The following ST18 variants were observed in gnomAD, a reference collection of about 807,000 sequenced individuals.
The protein encoded by ST18 is ST18 C2H2C-type zinc finger transcription factor.
In ST18, 50 loss-of-function variants were observed where a neutral mutation model predicts 110.0. The ratio of observed to expected loss-of-function variants is 0.45; its 90% CI spans 0.36 to 0.58. ST18 has a LOEUF of 0.58. Among genes scored for constraint, ST18 ranks in the 20% least tolerant of loss-of-function variants. The probability of loss-of-function intolerance (pLI) is 0.00; values close to 1 mark genes in which losing one functional copy is unlikely to be tolerated. For missense variants in ST18, 1,306 were observed against 1,280.1 expected, an observed-to-expected ratio of 1.02 and a Z score of -0.31; for synonymous variants, 461 against 452.4, an observed-to-expected ratio of 1.02 and a Z score of -0.24.
chr8:52,155,706 T>G (rs993335416), intron 15 of ST18, among the ~76,000 whole-genome samples: 1 of 152,136 alleles, frequency 6.6e-6, no homozygotes, highest in Non-Finnish European at 1.5e-5. Flanking sequence ...AAATCAAAGT[T>G]TTTTTGCCCC....
At chr8:52,278,935 G>A (rs1180412902) in intron 2 of ST18, among the ~76,000 whole-genome samples, 1 of 152,180 alleles carries the variant, frequency 6.6e-6, no homozygotes, top group African/African-American at 2.4e-5. Context: ...CCTGAAGGAA[G>A]AGATTTGCAA....
chr8:52,290,059 A>C (rs914488954), intron 2 of ST18, among the ~76,000 whole-genome samples: 1 of 152,120 alleles, frequency 6.6e-6, no homozygotes, highest in Non-Finnish European at 1.5e-5. Context: ...ATCGACTCTT[A>C]TGGTACACCT....
intron 9 of ST18, among the ~76,000 whole-genome samples, chr8:52,174,910 G>A (rs886733429): frequency 1.3e-5 from 2 of 152,142 alleles, no homozygotes; most frequent in Non-Finnish European, 2.9e-5. Context: ...GATCTGTGAT[G>A]GGGTGCTTGT....
At chr8:52,138,183 A>G (rs2053296044) in intron 17 of ST18, among the ~76,000 whole-genome samples, 1 of 152,142 alleles carries the variant, frequency 6.6e-6, no homozygotes, top group African/African-American at 2.4e-5. Context: ...ATGATAGCAG[A>G]TCTTAGGAAC....
chr8:52,180,146 C>T lies in ST18; in HGVS notation c.253G>A (p.Glu85Lys), dbSNP rs749501497. The change falls in exon 9 of 26, where the codon GAA becomes AAA. Residue 85 changes from glutamate to lysine, a missense_variant. Glu to Lys is a moderately conservative substitution (Grantham distance 56). Transcript: ENST00000689386. ...SDRTEDDGPL[E>K]THGHSTAEEI... ...CCTGCGGTAGAGTGACCATGTGTTT[C>T]CAAGGGGCCATCGTCCTCTGTCCTG... 5.0e-6 allele frequency: 8 copies of T among 1,614,092 alleles called. No homozygotes were observed. The highest frequency in any genetic ancestry group is 1.7e-4 in the Middle Eastern group (1 of 6,060).
rs1056478941 is a variant in ST18, at chr8:52,320,731, G to T, written c.-465+88597C>A. 2.1e-4 allele frequency among the ~76,000 whole-genome samples: 32 copies of T among 152,128 alleles called. 1 individual carries two copies. Among genetic ancestry groups the T allele is most frequent in the Admixed American group, 2.1e-3 (32 of 15,270 alleles). On this transcript the variant is annotated intron_variant, in intron 2 of 25. Transcript: ENST00000689386. ...GAGGATGCAGAACAAAGCAGCTCAG[G>T]CACTGCTGAAAATTAAGACAACATT...
intron 2 of ST18, among the ~76,000 whole-genome samples, chr8:52,294,975 A>G (rs1013730682): frequency 3.3e-4 from 50 of 152,264 alleles, no homozygotes; most frequent in African/African-American, 1.1e-3. Flanking sequence ...ATATGCTTAC[A>G]TGCTTGCCGT....
In ST18 at chr8:52,190,459, C is replaced by T. The variant is rs73681224; in HGVS notation, c.87-10147G>A. ...ACCCTACAAGACTGATCCTGGGGGC[C>T]GACAGTGGACTGCCATCACGTCAAA... On this transcript the variant is annotated intron_variant, in intron 8 of 25. Coordinates refer to ENST00000689386, the MANE Select transcript of ST18 (RefSeq NM_001352837.2). Among the ~76,000 whole-genome samples, 1,237 of 152,146 alleles carry T rather than the reference C, an allele frequency of 8.1e-3. 12 individuals are homozygous for T. The highest frequency in any genetic ancestry group is 0.027 in the African/African-American group (1,131 of 41,488).
intron 11 of ST18, 22 bp from the exon 12 acceptor site, chr8:52,165,247 A>C (rs1304500235): frequency 6.2e-7 from 1 of 1,612,334 alleles, no homozygotes; most frequent in South Asian, 1.1e-5. Flanking sequence ...ACAACACATA[A>C]AGGAAAGAAT....
chr8:52,179,150 A>C (rs531122158), intron 9 of ST18, among the ~76,000 whole-genome samples: 132 of 152,320 alleles, frequency 8.7e-4, no homozygotes, highest in Non-Finnish European at 1.5e-3. Context: ...TTCATTTTCT[A>C]AGTCAATTTT....
At position 52,113,230 on chromosome 8, in the gene ST18, T is replaced by C; in HGVS notation, c.3112A>G (p.Ile1038Val). ...TGGATACCCTTCACTGCCTGTTTGATACTTTCCAGTAGAGCTTTGCATTCC... is the reference window on the plus strand; with the variant it reads ...TGGATACCCTTCACTGCCTGTTTGACACTTTCCAGTAGAGCTTTGCATTCC... Reference protein sequence around the residue: ...SPECKALLESIKQAVKGIHV With the variant: ...SPECKALLESVKQAVKGIHV Residue 1038 changes from isoleucine to valine, a missense_variant, in exon 26 of 26, where the codon ATC (isoleucine) becomes GTC (valine). By Grantham distance (29) the Ile-to-Val change is conservative. Coordinates refer to ENST00000689386, the MANE Select transcript of ST18 (RefSeq NM_001352837.2). 2 of 1,614,156 alleles carry C rather than the reference T, an allele frequency of 1.2e-6. No homozygotes were observed. Among genetic ancestry groups the C allele is most frequent in the Non-Finnish European group, 1.7e-6 (2 of 1,179,976 alleles).
chr8:52,118,033 A>G (rs535396248), intron 24 of ST18, among the ~76,000 whole-genome samples: 2 of 152,326 alleles, frequency 1.3e-5, no homozygotes, highest in East Asian at 1.9e-4. Flanking sequence ...TTACCTTTCC[A>G]TCACATTTTT....
chr8:52,189,531 C>T (rs926467905), intron 8 of ST18, among the ~76,000 whole-genome samples: 1 of 152,120 alleles, frequency 6.6e-6, no homozygotes, highest in African/African-American at 2.4e-5. Context: ...TGTCTCTGGG[C>T]CTGAAGCAGT....
chr8:52,320,592 C>T (rs1803454653), intron 2 of ST18, among the ~76,000 whole-genome samples: 1 of 152,088 alleles, frequency 6.6e-6, no homozygotes, highest in Admixed American at 6.5e-5. Flanking sequence ...ACACCCAAAT[C>T]CTGAAAACAA....
intron 9 of ST18, among the ~76,000 whole-genome samples, chr8:52,179,161 T>A (rs1381121919): frequency 5.3e-5 from 8 of 152,254 alleles, no homozygotes; most frequent in Non-Finnish European, 8.8e-5. Flanking sequence ...AGTCAATTTT[T>A]AGATCTTAAT....
intron 8 of ST18, among the ~76,000 whole-genome samples, chr8:52,209,872 C>T (rs1434033036): frequency 6.6e-6 from 1 of 150,500 alleles, no homozygotes; most frequent in Admixed American, 6.6e-5. Context: ...TATTTCTCCA[C>T]ATAGAGCACA....
chr8:52,172,784 C>T (rs1347928743), intron 9 of ST18, among the ~76,000 whole-genome samples: 1 of 151,972 alleles, frequency 6.6e-6, no homozygotes, highest in East Asian at 1.9e-4. Context: ...AAACATATAT[C>T]CTCTTAAGAG....
intron 8 of ST18, among the ~76,000 whole-genome samples, chr8:52,210,270 G>T (rs1393412708): frequency 2.6e-5 from 4 of 152,124 alleles, no homozygotes; most frequent in Non-Finnish European, 5.9e-5. Context: ...AAATTTTAAA[G>T]GCAATAATTT....
Position 52,133,214 on chromosome 8 carries a change from A to G in ST18, c.2363+25T>C, listed in dbSNP as rs760433799. 8 of 1,614,124 alleles carry G rather than the reference A, an allele frequency of 5.0e-6. No homozygotes were observed. In the South Asian group the frequency reaches 6.6e-5, roughly 13 times the overall value. On this transcript the variant is annotated intron_variant, in intron 20 of 25. Transcript: ENST00000689386. The stretch of plus-strand genomic sequence containing the variant: ...CTGCTGCCGACAAGCTCATTTCCAC[A>G]TCTCAGAAATAAGATCAATCCTACC...
Sources: gnomAD v4.1 joint callset for allele counts (sites outside exome capture counted in the v4.1 genomes callset) on GRCh38, gnomAD v4.1.1 for gene constraint, MANE v1.5 for transcripts, NCBI Gene and HGNC (gene_info 2026-07-23, HGNC 2026-07-21) for gene names.